POLI: variants seen among roughly 807,000 people sequenced by gnomAD.
The protein encoded by POLI is DNA polymerase iota.
POLI carries 58 observed loss-of-function variants against 51.6 expected under a neutral mutation model. The observed-to-expected ratio is 1.12, with a 90% CI of 0.91 to 1.40. The LOEUF is 1.40. Ranked by LOEUF, POLI falls within the 40% of genes most tolerant of loss-of-function variation. The pLI is 0.00. For synonymous variants in POLI, 322 were observed against 299.7 expected (o/e 1.07, Z -0.77); for missense variants, 921 against 871.3 (o/e 1.06, Z -0.72).
chr18:54,280,321 G>A lies in POLI; in HGVS notation c.560-346G>A, dbSNP rs1217821803. Among the ~76,000 whole-genome samples, 6 of 152,332 alleles carry A rather than the reference G, an allele frequency of 3.9e-5. No individual in the cohort carries two copies. In the East Asian group the frequency reaches 9.6e-4, roughly 24 times the overall value. On this transcript the variant is annotated intron_variant, in intron 4 of 9. Transcript: ENST00000579534. Reference sequence around the variant, plus strand: ...TGTGCAGAGATCACATGGTGAGAGAGGAAGCAAGGGCTGGGGGAGGTGCCA... The same window carrying A: ...TGTGCAGAGATCACATGGTGAGAGAAGAAGCAAGGGCTGGGGGAGGTGCCA...
chr18:54,313,301 T>G (rs1218150569), intron 3 of POLI, among the ~76,000 whole-genome samples: 1 of 152,194 alleles, frequency 6.6e-6, no homozygotes, highest in Non-Finnish European at 1.5e-5. Flanking sequence ...TCTGCTCCAT[T>G]GGTGTATATG....
In POLI at chr18:54,291,884, G is replaced by A. The variant is rs113888456; in HGVS notation, c.1250G>A (p.Arg417Gln). 9.9e-6 allele frequency: 16 copies of A among 1,608,340 alleles called. No homozygotes were observed. The highest frequency in any genetic ancestry group is 3.3e-5 in the Admixed American group (2 of 59,880). ...GTTGATATACTTATGAAACTTTTTCGAAATATGGTGAATGTGAAGATGCCA... is the reference window on the plus strand; with the variant it reads ...GTTGATATACTTATGAAACTTTTTCAAAATATGGTGAATGTGAAGATGCCA... ...PMVDILMKLF[R>Q]NMVNVKMPFH... Residue 417 changes from arginine to glutamine, a missense_variant, in exon 9 of 10, where the codon CGA (arginine) becomes CAA (glutamine). Coordinates refer to ENST00000579534, the MANE Select transcript of POLI (RefSeq NM_007195.3).
chr18:54,288,347 A>G (rs764565399), intron 8 of POLI, among the ~76,000 whole-genome samples: 68 of 152,124 alleles, frequency 4.5e-4, no homozygotes, highest in South Asian at 8.3e-4. Context: ...GAAGTTTTAT[A>G]GTTTTTAAGC....
At position 54,295,027 on chromosome 18, in the gene POLI, A is replaced by G; in HGVS notation, c.*560A>G. On this transcript the variant is annotated 3_prime_UTR_variant, in exon 10 of 10. Transcript: ENST00000579534. The stretch of plus-strand genomic sequence containing the variant: ...ACACCAAGAATCTACCACAATACAC[A>G]GCACACAAAGGCCGTTCAATAAACA... 1.0e-6 allele frequency: 1 copy of G among 985,432 alleles called. No individual in the cohort carries two copies. The highest frequency in any genetic ancestry group is 1.2e-6 in the Non-Finnish European group (1 of 829,914). The allele number at this position is 985,432 out of a possible 1,614,324, so 61.0% of individuals were successfully genotyped here.
chr18:54,308,378 ATTCTT>A (rs1251045113), intron 3 of POLI, among the ~76,000 whole-genome samples: 4 of 152,188 alleles, frequency 2.6e-5, no homozygotes, highest in African/African-American at 9.7e-5. Context: ...TGGGTTGGAA[ATTCTT>A]TTCTTTAAGA....
upstream of POLI, chr18:54,269,484 C>G (rs1000275025): frequency 1.3e-6 from 2 of 1,485,944 alleles, no homozygotes; most frequent in African/African-American, 1.5e-5. Context: ...ACTGTAGTCC[C>G]CCGGTTTCCC....
chr18:54,313,292 C>G (rs1254737512), intron 3 of POLI, among the ~76,000 whole-genome samples: 1 of 152,156 alleles, frequency 6.6e-6, no homozygotes, highest in Admixed American at 6.6e-5. Flanking sequence ...TTCTTTTACT[C>G]TGCTCCATTG....
intron 7 of POLI, 84 bp from the exon 8 acceptor site, chr18:54,287,197 C>A: frequency 2.1e-6 from 2 of 952,572 alleles, no homozygotes; most frequent in Non-Finnish European, 3.1e-6. Context: ...CAAAATCTGG[C>A]ACCTTTAGAT....
rs930529473 is a variant in POLI, at chr18:54,295,318, C to A, written c.*851C>A. 1.0e-6 allele frequency: 1 copy of A among 984,854 alleles called. No individual in the cohort carries two copies. The highest frequency in any genetic ancestry group is 1.7e-5 in the African/African-American group (1 of 57,230). The allele number at this position is 984,854 out of a possible 1,614,324, so 61.0% of individuals were successfully genotyped here. On this transcript the variant is annotated 3_prime_UTR_variant, in exon 10 of 10. Transcript: ENST00000579534. ...TGGAGATGATATTAGGTTGTCATAA[C>A]AACCACAAATATAGACCATTACTAA...
At chr18:54,290,179 G>T (rs2087938706) in intron 8 of POLI, among the ~76,000 whole-genome samples, 1 of 152,186 alleles carries the variant, frequency 6.6e-6, no homozygotes, top group South Asian at 2.1e-4. Context: ...GATATGAACA[G>T]ACACTTTTCA....
Position 54,298,017 on chromosome 18 carries a change from T to G in POLI, c.*3550T>G. On this transcript the variant is annotated 3_prime_UTR_variant, in exon 10 of 10. Coordinates refer to ENST00000579534, the MANE Select transcript of POLI (RefSeq NM_007195.3). Reference sequence around the variant, plus strand: ...TCTTTTACTTTGGAGATACGCAGTTTTTATTATATGTCTAGCTATAGATTT... The same window carrying G: ...TCTTTTACTTTGGAGATACGCAGTTGTTATTATATGTCTAGCTATAGATTT... 16 of 974,514 alleles carry G rather than the reference T, an allele frequency of 1.6e-5. No individual in the cohort carries two copies. Among genetic ancestry groups the G allele is most frequent in the Non-Finnish European group, 2.0e-5 (16 of 820,022 alleles). 60.4% of individuals were successfully genotyped at this position (974,514 alleles called of 1,614,324 possible).
At chr18:54,287,563 A>C in intron 8 of POLI, 152 bp downstream of exon 8, 1 of 559,084 alleles carries the variant, frequency 1.8e-6, no homozygotes, top group Non-Finnish European at 3.2e-6. Flanking sequence ...TTCACTGGAA[A>C]ACTTTGTTGT....
In POLI at chr18:54,282,930, A is replaced by G. The variant is rs926230625; in HGVS notation, c.890A>G (p.Glu297Gly). The G allele has an allele frequency of 1.9e-6, 3 of 1,605,284 alleles. No individual in the cohort carries two copies. Among genetic ancestry groups the G allele is most frequent in the Non-Finnish European group, 2.6e-6 (3 of 1,175,438 alleles). Residue 297 changes from glutamate (E) to glycine (G), a missense_variant, in exon 6 of 10, where the codon GAA becomes GGA. Coordinates refer to ENST00000579534, the MANE Select transcript of POLI (RefSeq NM_007195.3). ...QTFSPKILEK[E>G]LGISVAQRIQ... ...TTTTCACCCAAAATTTTAGAAAAAG[A>G]ATTAGGAATTTCAGTTGCTCAGCGT...
At position 54,294,472 on chromosome 18, in the gene POLI, A is replaced by T; in HGVS notation, c.*5A>T. The T allele has an allele frequency of 6.4e-7, 1 of 1,573,532 alleles. No homozygotes were observed. ...TTCCACATTGGACATAAATAAGCATATTCAGCAAAAAGGTCTGAAAAGCAA... is the reference window on the plus strand; with the variant it reads ...TTCCACATTGGACATAAATAAGCATTTTCAGCAAAAAGGTCTGAAAAGCAA... On this transcript the variant is annotated 3_prime_UTR_variant, in exon 10 of 10. Transcript: ENST00000579534.
At chr18:54,277,606 T>C (rs1003837320) in intron 3 of POLI, 97 bp from the exon 4 acceptor site, 39 of 728,090 alleles carry the variant, frequency 5.4e-5, no homozygotes, top group Admixed American at 1.2e-4. Flanking sequence ...ATAAAACCTT[T>C]AACAATAAAT....
At chr18:54,271,529 T>C in intron 2 of POLI, 44 bp downstream of exon 2, 1 of 1,325,096 alleles carries the variant, frequency 7.5e-7, no homozygotes, top group Non-Finnish European at 1.1e-6. Context: ...AATGATTAGA[T>C]TAGCAACTCA....
intron 3 of POLI, among the ~76,000 whole-genome samples, chr18:54,276,654 G>A (rs1322148168): frequency 6.6e-6 from 1 of 152,140 alleles, no homozygotes; most frequent in Non-Finnish European, 1.5e-5. Context: ...TAGACATATT[G>A]TCAGTCTGTC....
At chr18:54,298,716 G>A (rs531829411), downstream of POLI, among the ~76,000 whole-genome samples, 7 of 150,238 alleles carry the variant, frequency 4.7e-5, no homozygotes, top group African/African-American at 1.7e-4. Flanking sequence ...TCAGCCTCGA[G>A]TAGCTGGGAT....
exon 4 of POLI, chr18:54,320,377 A>T (rs1197000444): frequency 6.6e-6 from 1 of 152,206 alleles, no homozygotes; most frequent in African/African-American, 2.4e-5. Context: ...AAGGAGTTTT[A>T]CTAAAGGAGT....
Sources: gnomAD v4.1 joint callset for allele counts (sites outside exome capture counted in the v4.1 genomes callset) on GRCh38, gnomAD v4.1.1 for gene constraint, MANE v1.5 for transcripts, NCBI Gene and HGNC (gene_info 2026-07-23, HGNC 2026-07-21) for gene names.